Variants in KEAP1 observed in about 807,000 individuals in gnomAD.
KEAP1 encodes the protein kelch-like ECH-associated protein 1.
KEAP1 carries 26 observed loss-of-function variants against 59.7 expected under a neutral mutation model. The ratio of observed to expected loss-of-function variants is 0.44; its 90% CI spans 0.32 to 0.60. The LOEUF (loss-of-function observed/expected upper bound fraction) is 0.60, where lower values mean the gene tolerates loss of function less well. KEAP1 is among the 20% of genes least tolerant of loss of function. The pLI is 0.06. For synonymous variants in KEAP1, 350 were observed against 358.3 expected (o/e 0.98, Z 0.26); for missense variants, 539 against 871.4 (o/e 0.62, Z 4.80).
intron 2 of KEAP1, 145 bp from the exon 3 acceptor site, chr19:10,492,407 G>GT (rs772194788): frequency 4.5e-6 from 3 of 660,510 alleles, no homozygotes; most frequent in African/African-American, 1.8e-5. Flanking sequence ...TAGGAACCGC[G>GT]TACATTGTGA....
In KEAP1 at chr19:10,491,089, G is replaced by A. The variant is rs1914652783; in HGVS notation, c.1325+488C>T. 2.0e-5 allele frequency: 3 copies of A among 153,732 alleles called. No individual in the cohort carries two copies. The Admixed American group carries it at 2.0e-4, about 10-fold the overall frequency. The allele number at this position is 153,732 out of a possible 1,614,324, so 9.5% of individuals were successfully genotyped here. Reference sequence around the variant, plus strand: ...CAAAAATTAACCAGGCGTGGTGGTGGGTACTTGTAGTCCCAGCTACCCCAG... The same window carrying A: ...CAAAAATTAACCAGGCGTGGTGGTGAGTACTTGTAGTCCCAGCTACCCCAG... On this transcript the variant is annotated intron_variant, in intron 3 of 5. Coordinates refer to ENST00000171111, the MANE Select transcript of KEAP1 (RefSeq NM_203500.2). The surrounding 1 kb of genome is among the most constrained non-coding windows in gnomAD (Gnocchi z 5.2).
intron 1 of KEAP1, among the ~76,000 whole-genome samples, chr19:10,501,668 C>T (rs1392122987): frequency 3.3e-5 from 5 of 152,016 alleles, no homozygotes; most frequent in Non-Finnish European, 7.4e-5. Flanking sequence ...ACTTCGGCCT[C>T]CTGAGTAGCT....
chr19:10,494,604 T>G (rs1914788196), intron 2 of KEAP1, among the ~76,000 whole-genome samples: 1 of 151,404 alleles, frequency 6.6e-6, no homozygotes, highest in Non-Finnish European at 1.5e-5. Context: ...CCCAAAGTGC[T>G]GGGATTACAG....
In KEAP1 at chr19:10,486,579, T is replaced by C. The variant is rs1466761982; in HGVS notation, c.*73A>G. 6.9e-7 allele frequency: 1 copy of C among 1,445,430 alleles called. No individual in the cohort carries two copies. Among genetic ancestry groups the C allele is most frequent in the African/African-American group, 1.4e-5 (1 of 70,930 alleles). 89.5% of individuals were successfully genotyped at this position (1,445,430 alleles called of 1,614,324 possible). A position where few individuals can be genotyped will look rare whatever the true frequency, so the allele number is the denominator to read the frequency against. ...TTATTTGCAGTGCTGTCTTTTCTTT[T>C]AGTCCCGGTTTTTGTACAAAAACAA... On this transcript the variant is annotated 3_prime_UTR_variant, in exon 6 of 6. Coordinates refer to ENST00000171111, the MANE Select transcript of KEAP1 (RefSeq NM_203500.2).
Position 10,499,963 on chromosome 19 carries a change from G to A in KEAP1, c.71C>T (p.Pro24Leu), listed in dbSNP as rs2144630920. ...CATCACCGCGTCCCCTGCCCCCTCA[G>A]GGCACTGTGACTGCAGGGGCAGGAA... ...CRFLPLQSQCPEGAGDAVMYA... is the reference protein window; with the variant it reads ...CRFLPLQSQCLEGAGDAVMYA... The change falls in exon 2 of 6, where the codon CCT becomes CTT. Residue 24 changes from proline (P) to leucine (L), a missense_variant. Transcript: ENST00000171111. This position sits in a 1 kb window ranked among gnomAD's most constrained non-coding sequence, Gnocchi z 6.7. The A allele has an allele frequency of 6.3e-7, 1 of 1,598,412 alleles. No individual in the cohort carries two copies. The highest frequency in any genetic ancestry group is 1.7e-4 in the Middle Eastern group (1 of 6,016).
chr19:10,492,469 A>C, intron 2 of KEAP1: 1 of 563,790 alleles, frequency 1.8e-6, no homozygotes, highest in Non-Finnish European at 3.2e-6. Flanking sequence ...CTGTAATGCC[A>C]GCACTTTGGG....
intron 5 of KEAP1, 104 bp from the exon 6 acceptor site, chr19:10,486,922 C>T (rs1023739531): frequency 1.5e-5 from 18 of 1,225,228 alleles, no homozygotes; most frequent in Admixed American, 2.3e-5. Flanking sequence ...GCAGGCCGGG[C>T]GTGGTGGCTC....
intron 2 of KEAP1, among the ~76,000 whole-genome samples, chr19:10,496,628 C>T (rs191693529): frequency 4.5e-4 from 69 of 151,826 alleles, no homozygotes; most frequent in African/African-American, 1.6e-3. Flanking sequence ...ATGGTGAAAC[C>T]CTGTCTCTAC....
chr19:10,486,467 T>C lies in KEAP1; in HGVS notation c.*185A>G. ...GTCTTGGACACTCCCGGGGCTCCGC[T>C]GAGGGGCACATGATTCCCGCTTTGG... On this transcript the variant is annotated 3_prime_UTR_variant, in exon 6 of 6. Coordinates refer to ENST00000171111, the MANE Select transcript of KEAP1 (RefSeq NM_203500.2). The C allele has an allele frequency of 1.5e-6, 1 of 672,110 alleles. No individual in the cohort carries two copies. Among genetic ancestry groups the C allele is most frequent in the Non-Finnish European group, 2.6e-6 (1 of 386,772 alleles). 41.6% of individuals were successfully genotyped at this position (672,110 alleles called of 1,614,324 possible).
chr19:10,496,730 C>T (rs1163238397), intron 2 of KEAP1, among the ~76,000 whole-genome samples: 2 of 149,954 alleles, frequency 1.3e-5, no homozygotes, highest in Non-Finnish European at 3.0e-5. Flanking sequence ...GAACCCAGGA[C>T]ATGGAGGCTT....
chr19:10,487,996 C>T (rs932662774), intron 5 of KEAP1, among the ~76,000 whole-genome samples: 4 of 152,110 alleles, frequency 2.6e-5, no homozygotes, highest in Admixed American at 1.3e-4. Flanking sequence ...GGCGTGGTGG[C>T]GCATGCCTGT....
At chr19:10,500,301 T>C (rs1228163138) in intron 1 of KEAP1, among the ~76,000 whole-genome samples, 1 of 152,208 alleles carries the variant, frequency 6.6e-6, no homozygotes, top group Non-Finnish European at 1.5e-5. Context: ...TCCCCTGCTC[T>C]GGATCCTCCA....
At position 10,499,609 on chromosome 19, in the gene KEAP1, G is replaced by A. The variant is rs1914967694; in HGVS notation, c.425C>T (p.Thr142Met). The A allele has an allele frequency of 6.2e-7, 1 of 1,614,082 alleles. No individual in the cohort carries two copies. The highest frequency in any genetic ancestry group is 8.5e-7 in the Non-Finnish European group (1 of 1,180,042). ...VMERLIEFAY[T>M]ASISMGEKCV... Reference sequence around the variant, plus strand: ...CTTCTCGCCCATGGAGATGGAGGCCGTGTAGGCGAATTCAATGAGGCGCTC... The same window carrying A: ...CTTCTCGCCCATGGAGATGGAGGCCATGTAGGCGAATTCAATGAGGCGCTC... Residue 142 changes from threonine to methionine, a missense_variant, in exon 2 of 6, where the codon ACG becomes ATG. Thr to Met is a moderately conservative substitution (Grantham distance 81). This residue lies in a region of KEAP1 where 166 missense variants were observed against 295.8 expected (regional missense o/e 0.56). Coordinates refer to ENST00000171111, the MANE Select transcript of KEAP1 (RefSeq NM_203500.2). This position sits in a 1 kb window ranked among gnomAD's most constrained non-coding sequence, Gnocchi z 6.7.
At chr19:10,498,660 C>G (rs766155791) in intron 2 of KEAP1, among the ~76,000 whole-genome samples, 38 of 152,116 alleles carry the variant, frequency 2.5e-4, no homozygotes, top group Non-Finnish European at 4.7e-4. Context: ...TAAACATTTG[C>G]TGACTGCCCG....
chr19:10,492,138 T>C lies in KEAP1; in HGVS notation c.764A>G (p.Tyr255Cys), dbSNP rs2144603856. Residue 255 changes from tyrosine (Y) to cysteine (C), a missense_variant, in exon 3 of 6, where the codon TAC (tyrosine) becomes TGC (cysteine). Tyr to Cys is a radical substitution (Grantham distance 194). Around this residue, in one of 4 missense-constraint regions of KEAP1, gnomAD observed 61 missense variants for 129.9 expected, o/e 0.47. Coordinates refer to ENST00000171111, the MANE Select transcript of KEAP1 (RefSeq NM_203500.2). ...VFHACINWVK[Y>C]DCEQRRFYVQ... is the part of the protein sequence containing the mutation. ...GTAGAACCGTCGCTGTTCGCAGTCGTACTTGACCCAGTTGATGCAGGCGTG... is the reference window on the plus strand; with the variant it reads ...GTAGAACCGTCGCTGTTCGCAGTCGCACTTGACCCAGTTGATGCAGGCGTG... 6.2e-7 allele frequency: 1 copy of C among 1,614,056 alleles called. No homozygotes were observed. Among genetic ancestry groups the C allele is most frequent in the Non-Finnish European group, 8.5e-7 (1 of 1,180,036 alleles).
At position 10,499,504 on chromosome 19, in the gene KEAP1, T is replaced by C. The variant is rs2144625362; in HGVS notation, c.530A>G (p.Gln177Arg). The C allele has an allele frequency of 6.2e-7, 1 of 1,614,194 alleles. No individual in the cohort carries two copies. The highest frequency in any genetic ancestry group is 1.1e-5 in the South Asian group (1 of 91,090). Residue 177 changes from glutamine (Q) to arginine (R), a missense_variant, in exon 2 of 6, where the codon CAG becomes CGG. By Grantham distance (43) the Gln-to-Arg change is conservative (BLOSUM62 1). Coordinates refer to ENST00000171111, the MANE Select transcript of KEAP1 (RefSeq NM_203500.2). The surrounding 1 kb of genome is among the most constrained non-coding windows in gnomAD (Gnocchi z 6.7). ...VVRACSDFLV[Q>R]QLDPSNAIGI... ...GATGGCATTGCTGGGGTCCAGCTGC[T>C]GCACCAGGAAGTCACTGCAGGCACG...
intron 5 of KEAP1, among the ~76,000 whole-genome samples, chr19:10,487,537 T>TGATGCA (rs1914506822): frequency 6.6e-6 from 1 of 151,622 alleles, no homozygotes; most frequent in South Asian, 2.1e-4. Flanking sequence ...ACGCCTGTAA[T>TGATGCA]CTCAGCTACC....
intron 1 of KEAP1, among the ~76,000 whole-genome samples, chr19:10,501,854 C>T (rs1915056641): frequency 6.6e-6 from 1 of 152,056 alleles, no homozygotes; most frequent in Non-Finnish European, 1.5e-5. Flanking sequence ...ACGTGAGTTA[C>T]GTTTCAAAAG....
chr19:10,488,592 C>G (rs1914550932), intron 5 of KEAP1, among the ~76,000 whole-genome samples: 2 of 138,506 alleles, frequency 1.4e-5, no homozygotes, highest in Admixed American at 1.5e-4. Context: ...AGCCTGGCAA[C>G]AGACTGAGAC....
Sources: gnomAD v4.1 joint callset for allele counts (sites outside exome capture counted in the v4.1 genomes callset) on GRCh38, gnomAD v4.1.1 for gene constraint, gnomAD v4.1.1 regional missense constraint, Gnocchi (gnomAD v3.1) non-coding constraint, MANE v1.5 for transcripts, NCBI Gene and HGNC (gene_info 2026-07-23, HGNC 2026-07-21) for gene names.